The following SGCD variants were observed in gnomAD, a reference collection of about 807,000 sequenced individuals.
The protein encoded by SGCD is delta-sarcoglycan.
In SGCD, 18 loss-of-function variants were observed where a neutral mutation model predicts 36.6. That is an observed-to-expected ratio of 0.49 (90% CI 0.34 to 0.73). The LOEUF (loss-of-function observed/expected upper bound fraction) is 0.73. Among genes scored for constraint, SGCD ranks in the 30% least tolerant of loss-of-function variants. The pLI is 0.01. For missense variants in SGCD, 387 were observed against 346.7 expected, an observed-to-expected ratio of 1.12 and a Z score of -0.92; for synonymous variants, 133 against 130.6, an observed-to-expected ratio of 1.02 and a Z score of -0.12.
chr5:156,603,412 C>A (rs1761281465), intron 6 of SGCD, among the ~76,000 whole-genome samples: 1 of 151,942 alleles, frequency 6.6e-6, no homozygotes, highest in Admixed American at 6.6e-5. Context: ...TAACTATAAT[C>A]TCTTTTTTAA....
At chr5:156,676,387 G>A (rs184131927) in intron 7 of SGCD, among the ~76,000 whole-genome samples, 1 of 152,312 alleles carries the variant, frequency 6.6e-6, no homozygotes, top group Admixed American at 6.5e-5. Context: ...ATAACAGGTA[G>A]ACACCCTCTG....
intron 7 of SGCD, among the ~76,000 whole-genome samples, chr5:156,686,384 A>T (rs776090707): frequency 2.5e-4 from 38 of 152,164 alleles, no homozygotes; most frequent in Non-Finnish European, 4.3e-4. Flanking sequence ...GACTATGGTA[A>T]TCTGCAAAGC....
rs1467389520 is a variant in SGCD at position 156,320,104 on chromosome 5, T to TGTGTGTG, written c.-43-9429_-43-9423dup. ...TCTTTGACAGCCTTTGATATGTGTG[T>TGTGTGTG]GTGTGTGTGTGTGTGTGTGTGTGTG... On this transcript the variant is annotated intron_variant, in intron 3 of 9. Transcript: ENST00000517913. Among the ~76,000 whole-genome samples, 674 of 146,048 alleles carry TGTGTGTG rather than the reference T, an allele frequency of 4.6e-3. 3 individuals carry two copies. The highest frequency in any genetic ancestry group is 0.016 in the African/African-American group (641 of 40,354).
At chr5:156,621,970 A>T (rs1762268553) in intron 6 of SGCD, among the ~76,000 whole-genome samples, 1 of 152,320 alleles carries the variant, frequency 6.6e-6, no homozygotes, top group South Asian at 2.1e-4. Flanking sequence ...CCAAGGTTTT[A>T]TAGCAAGTTT....
chr5:155,897,194 C>A (rs962244468), intron 1 of SGCD, among the ~76,000 whole-genome samples: 1 of 152,182 alleles, frequency 6.6e-6, no homozygotes, highest in Non-Finnish European at 1.5e-5. Context: ...TTCCAGGCTG[C>A]AAACCTGTAG....
Position 156,646,128 on chromosome 5 carries a change from A to G in SGCD, c.503-1336A>G, listed in dbSNP as rs561013876. Among the ~76,000 whole-genome samples, 3 of 152,106 alleles carry G rather than the reference A, an allele frequency of 2.0e-5. No individual in the cohort carries two copies. The South Asian group carries it at 6.2e-4, about 32-fold the overall frequency. On this transcript the variant is annotated intron_variant, in intron 6 of 8. Coordinates refer to ENST00000337851, the MANE Select transcript of SGCD (RefSeq NM_000337.6). ...GTCCTCCAGTATGTGGAACATATGG[A>G]CCCCCACTGGCCAAAGCCCAGCAAG...
chr5:155,779,757 A>G, the SGCD span, among the ~76,000 whole-genome samples: 1 of 152,176 alleles, frequency 6.6e-6, no homozygotes, highest in Non-Finnish European at 1.5e-5. Context: ...TAGCTGTTCA[A>G]ATTGACAGTC....
chr5:156,387,907 A>G (rs996659600), intron 3 of SGCD, among the ~76,000 whole-genome samples: 1 of 152,200 alleles, frequency 6.6e-6, no homozygotes, highest in Non-Finnish European at 1.5e-5. Flanking sequence ...TGATACCTAC[A>G]AAAGCAAAGG....
At chr5:156,191,430 C>G (rs953273127) in intron 3 of SGCD, among the ~76,000 whole-genome samples, 1 of 152,136 alleles carries the variant, frequency 6.6e-6, no homozygotes, top group Admixed American at 6.6e-5. Context: ...TGTGACATCT[C>G]TGCAGTTTCT....
At chr5:156,009,549 C>T (rs1758817665) in intron 1 of SGCD, among the ~76,000 whole-genome samples, 1 of 152,128 alleles carries the variant, frequency 6.6e-6, no homozygotes, top group South Asian at 2.1e-4. Flanking sequence ...CCACATATTC[C>T]CTGCTGCCAG....
chr5:156,223,324 G>C (rs1329175842), intron 3 of SGCD, among the ~76,000 whole-genome samples: 1 of 152,092 alleles, frequency 6.6e-6, no homozygotes, highest in African/African-American at 2.4e-5. Flanking sequence ...TGCCAGGTGA[G>C]TGGTCAGAGT....
chr5:156,376,298 A>G (rs541667507), intron 3 of SGCD, among the ~76,000 whole-genome samples: 1 of 152,198 alleles, frequency 6.6e-6, no homozygotes, highest in Admixed American at 6.5e-5. Flanking sequence ...GGAAATTTGT[A>G]TGGGACTAGC....
intron 3 of SGCD, among the ~76,000 whole-genome samples, chr5:156,206,279 G>A (rs888347666): frequency 6.6e-6 from 1 of 151,576 alleles, no homozygotes; most frequent in Non-Finnish European, 1.5e-5. Flanking sequence ...CTTGGCATTC[G>A]GGGTTTTCCC....
chr5:155,913,325 G>A (rs1414591695), intron 1 of SGCD, among the ~76,000 whole-genome samples: 1 of 152,176 alleles, frequency 6.6e-6, no homozygotes, highest in Non-Finnish European at 1.5e-5. Flanking sequence ...ATTTCATCTG[G>A]AAGGGGGATT....
chr5:156,289,772 G>C (rs1324824170), intron 3 of SGCD, among the ~76,000 whole-genome samples: 2 of 151,988 alleles, frequency 1.3e-5, no homozygotes, highest in Non-Finnish European at 2.9e-5. Flanking sequence ...GCCCGTCCTA[G>C]TCTCCTGAGT....
At chr5:156,750,004 A>G (rs553782137) in intron 7 of SGCD, among the ~76,000 whole-genome samples, 1 of 152,302 alleles carries the variant, frequency 6.6e-6, no homozygotes, top group African/African-American at 2.4e-5. Context: ...TAGAAAAGAT[A>G]ATACATAATG....
intron 3 of SGCD, among the ~76,000 whole-genome samples, chr5:156,193,546 C>T (rs1422487080): frequency 6.6e-6 from 1 of 152,120 alleles, no homozygotes; most frequent in African/African-American, 2.4e-5. Flanking sequence ...ACCCTCCTTA[C>T]GGGCCAGACT....
In SGCD at chr5:156,259,541, T is replaced by G. The variant is rs1765799957; in HGVS notation, c.-43-69993T>G. Among the ~76,000 whole-genome samples, 3 of 152,160 alleles carry G rather than the reference T, an allele frequency of 2.0e-5. No homozygotes were observed. The South Asian group carries it at 6.2e-4, about 31-fold the overall frequency. On this transcript the variant is annotated intron_variant, in intron 3 of 9. Transcript: ENST00000517913. ...AACATTGCAAATATATTCTTGTTCA[T>G]TTTTTTACAGCTTTATGGTTTGGGT... is the stretch of plus-strand genomic sequence containing the variant.
Position 156,589,211 on chromosome 5 carries a change from C to A in SGCD, c.295-20C>A, listed in dbSNP as rs144250417. 4.6e-5 allele frequency: 68 copies of A among 1,485,302 alleles called. No homozygotes were observed. Among genetic ancestry groups the A allele is most frequent in the Middle Eastern group, 3.4e-4 (2 of 5,854 alleles). 92.0% of individuals were successfully genotyped at this position (1,485,302 alleles called of 1,614,324 possible). On this transcript the variant is annotated intron_variant, in intron 4 of 8. Transcript: ENST00000337851. ...AGAAATCTATCATTTTCATGTCTTT[C>A]TCTTATTTTCTTATTGCAGGGTAAT...
Sources: allele counts gnomAD v4.1 joint callset (sites outside exome capture counted in the v4.1 genomes callset), GRCh38; gene constraint gnomAD v4.1.1; transcripts MANE v1.5; gene names NCBI Gene and HGNC (gene_info 2026-07-23, HGNC 2026-07-21).